Variants in MYO7A observed in about 807,000 individuals in gnomAD.
MYO7A encodes myosin VIIA.
Under a neutral mutation model 263.8 loss-of-function variants are expected in MYO7A, and 210 were observed. The ratio of observed to expected loss-of-function variants is 0.80; its 90% confidence interval spans 0.71 to 0.89. The LOEUF (loss-of-function observed/expected upper bound fraction) is 0.89, where lower values mean the gene tolerates loss of function less well. Ranked by LOEUF, MYO7A falls within the 40% of genes least tolerant of loss-of-function variation. The probability of loss-of-function intolerance (pLI) is 0.00; values close to 1 mark genes in which losing one functional copy is unlikely to be tolerated. For missense variants in MYO7A, 2,820 were observed against 2,968.3 expected, an observed-to-expected ratio of 0.95 and a Z score of 1.16; for synonymous variants, 1,239 against 1,197.3, an observed-to-expected ratio of 1.03 and a Z score of -0.72.
chr11:77,212,181 A>G (rs779033207), intron 46 of MYO7A: 3 of 623,870 alleles, frequency 4.8e-6, no homozygotes, highest in Admixed American at 4.2e-5. Flanking sequence ...GGCTGGGGTA[A>G]TGGAGGATGG....
At chr11:77,202,116 C>G (rs1180414750) in intron 36 of MYO7A, among the ~76,000 whole-genome samples, 184 bp from the exon 37 acceptor site, 1 of 152,156 alleles carries the variant, frequency 6.6e-6, no homozygotes, top group African/African-American at 2.4e-5. Context: ...GAGCTCAGCA[C>G]AAAGGAGGCA....
chr11:77,205,164 T>C (rs1957357408), intron 39 of MYO7A, among the ~76,000 whole-genome samples: 1 of 152,244 alleles, frequency 6.6e-6, no homozygotes, highest in South Asian at 2.1e-4. Context: ...GCAGAGTGCA[T>C]GGTAACCCGG....
intron 15 of MYO7A, among the ~76,000 whole-genome samples, chr11:77,170,079 T>C (rs1423936731): frequency 6.6e-6 from 1 of 152,064 alleles, no homozygotes; most frequent in East Asian, 1.9e-4. Flanking sequence ...TCAAAAATAA[T>C]AGTAAATAGA....
Position 77,162,232 on chromosome 11 carries a change from C to T in MYO7A, c.1456C>T (p.His486Tyr). The change falls in exon 13 of 49, where the codon CAC (histidine) becomes TAC (tyrosine). Residue 486 changes from histidine (H) to tyrosine (Y), a missense_variant. Coordinates refer to ENST00000409709, the MANE Select transcript of MYO7A (RefSeq NM_000260.4). ...TGACCTGGAGAGCATTGACTGGCTG[C>T]ACATCGAGTTCACTGACAACCAGGA... Reference protein sequence around the residue: ...EYDLESIDWLHIEFTDNQDAL... With the variant: ...EYDLESIDWLYIEFTDNQDAL... 4 of 1,573,218 alleles carry T rather than the reference C, an allele frequency of 2.5e-6. No homozygotes were observed. The highest frequency in any genetic ancestry group is 2.3e-5 in the South Asian group (2 of 85,524).
chr11:77,204,906 T>C (rs116542005), intron 39 of MYO7A, among the ~76,000 whole-genome samples: 2,545 of 152,308 alleles, frequency 0.017, 67 homozygotes, highest in African/African-American at 0.058. Context: ...CTTCTCTGCA[T>C]GCCGTAATTT....
Position 77,154,881 on chromosome 11 carries a change from G to A in MYO7A, c.286-1026G>A, listed in dbSNP as rs77096346. On this transcript the variant is annotated intron_variant, in intron 4 of 48. Coordinates refer to ENST00000409709, the MANE Select transcript of MYO7A (RefSeq NM_000260.4). Reference sequence around the variant, plus strand: ...AGGGTGGGCATTTCCCCTGGCATGCGGTGCCTGCATCCACACTCTCCCTGC... The same window carrying A: ...AGGGTGGGCATTTCCCCTGGCATGCAGTGCCTGCATCCACACTCTCCCTGC... Among the ~76,000 whole-genome samples, 1,330 of 152,124 alleles carry A rather than the reference G, an allele frequency of 8.7e-3. 4 individuals carry two copies. The highest frequency in any genetic ancestry group is 0.024 in the Middle Eastern group (7 of 292).
At chr11:77,149,566 C>T (rs573827596) in intron 4 of MYO7A, among the ~76,000 whole-genome samples, 1 of 152,258 alleles carries the variant, frequency 6.6e-6, no homozygotes, top group Non-Finnish European at 1.5e-5. Context: ...TGAAGAATCA[C>T]GGCAAGGAGC....
At chr11:77,207,888 C>T (rs10899362) in intron 42 of MYO7A, among the ~76,000 whole-genome samples, 70,073 of 151,996 alleles carry the variant, frequency 0.46, 18,391 homozygotes, top group Middle Eastern at 0.6. Flanking sequence ...TTTCACATCA[C>T]GCTCCCCCAG....
intron 39 of MYO7A, among the ~76,000 whole-genome samples, 182 bp downstream of exon 39, chr11:77,204,411 G>A (rs1957295939): frequency 6.6e-6 from 1 of 152,226 alleles, no homozygotes; most frequent in South Asian, 2.1e-4. Context: ...GGGCCTAGCA[G>A]GAACTGGGAG....
Position 77,167,362 on chromosome 11 carries a change from C to G in MYO7A, c.1797+1200C>G, listed in dbSNP as rs567035854. Among the ~76,000 whole-genome samples the G allele has an allele frequency of 1.9e-4, 29 of 152,248 alleles. 1 individual carries two copies. Among genetic ancestry groups the G allele is most frequent in the South Asian group, 4.1e-4 (2 of 4,820 alleles). The stretch of plus-strand genomic sequence containing the variant: ...CCCTGGTGGGCGCCTATGGCCATGC[C>G]TTGACCAGATCCTCAGATAACCTTG... On this transcript the variant is annotated intron_variant, in intron 15 of 48. Transcript: ENST00000409709.
chr11:77,204,187 C>CAT lies in MYO7A; in HGVS notation c.5441_5442dup (p.Val1815MetfsTer5). On this transcript the variant is annotated frameshift_variant, in exon 39 of 49. Coordinates refer to ENST00000409709, the MANE Select transcript of MYO7A (RefSeq NM_000260.4). LOFTEE classifies it high-confidence loss of function. The stretch of plus-strand genomic sequence containing the variant: ...AAAGCCGAGCCCCTGAAGGACGAGG[C>CAT]ATATGTGCAGATCCTGAAGCAGCTG... The CAT allele has an allele frequency of 6.3e-7, 1 of 1,585,168 alleles. No homozygotes were observed.
Position 77,165,891 on chromosome 11 carries a change from A to G in MYO7A, c.1691-165A>G, listed in dbSNP as rs890415033. 7.3e-5 allele frequency among the ~76,000 whole-genome samples: 11 copies of G among 151,126 alleles called. No homozygotes were observed. In the South Asian group the frequency reaches 2.1e-3, roughly 29 times the overall value. On this transcript the variant is annotated intron_variant, in intron 14 of 48. Coordinates refer to ENST00000409709, the MANE Select transcript of MYO7A (RefSeq NM_000260.4). ...GGGGAGATGGCCCCTCACTTTCTCT[A>G]TGATCTTGGGCAAGTCTCTGTCCCC...
intron 15 of MYO7A, among the ~76,000 whole-genome samples, chr11:77,171,436 C>T (rs1555075913): frequency 6.6e-6 from 1 of 152,196 alleles, no homozygotes; most frequent in Admixed American, 6.5e-5. Flanking sequence ...AAATACTCCC[C>T]AGCTTCTCTG....
Position 77,137,793 on chromosome 11 carries a change from C to CGGGA in MYO7A, c.19-4913_19-4910dup, listed in dbSNP as rs113831518. Among the ~76,000 whole-genome samples the CGGGA allele has an allele frequency of 9.3e-4, 142 of 152,018 alleles. 5 individuals carry two copies. The highest frequency in any genetic ancestry group is 1.9e-3 in the African/African-American group (80 of 41,474). On this transcript the variant is annotated intron_variant, in intron 2 of 48. Coordinates refer to ENST00000409709, the MANE Select transcript of MYO7A (RefSeq NM_000260.4). ...GGCTGCTATTTGACCTCGGGGGCTG[C>CGGGA]GGGAGGAGGACATAGCCTCTTCAGG...
At chr11:77,141,731 G>GGCTGACTGCTTGTCACCCTTCAGGTGTCA (rs1951222172) in intron 2 of MYO7A, among the ~76,000 whole-genome samples, 1 of 152,024 alleles carries the variant, frequency 6.6e-6, no homozygotes, top group Admixed American at 6.6e-5. Context: ...CTTTTCCCTT[G>GGCTGACTGCTTGTCACCCTTCAGGTGTCA]GCTGACTGCT....
At chr11:77,193,930 T>C in intron 31 of MYO7A, 1 of 445,726 alleles carries the variant, frequency 2.2e-6, no homozygotes, top group South Asian at 1.6e-5. Context: ...AGTGATGCAC[T>C]TCCCTCACTC....
At chr11:77,194,795 T>C (rs1956513872) in intron 32 of MYO7A, among the ~76,000 whole-genome samples, 2 of 152,214 alleles carry the variant, frequency 1.3e-5, no homozygotes, top group Non-Finnish European at 1.5e-5. Flanking sequence ...ATTGGTGTTA[T>C]AGCTTCCAGA....
intron 48 of MYO7A, 117 bp downstream of exon 48, chr11:77,214,096 G>A (rs2135803500): frequency 7.2e-7 from 1 of 1,395,084 alleles, no homozygotes; most frequent in East Asian, 2.4e-5. Flanking sequence ...TCGTGGGCAA[G>A]GGTCATGCTG....
chr11:77,184,394 G>C, intron 26 of MYO7A, among the ~76,000 whole-genome samples, 194 bp from the exon 27 acceptor site: 1 of 152,220 alleles, frequency 6.6e-6, no homozygotes. Context: ...GTGTGCCCCT[G>C]CTGTGTGGGC....
Sources: gnomAD v4.1 joint callset for allele counts (sites outside exome capture counted in the v4.1 genomes callset) on GRCh38, gnomAD v4.1.1 for gene constraint, MANE v1.5 for transcripts, NCBI Gene and HGNC (gene_info 2026-07-23, HGNC 2026-07-21) for gene names.